SAP130: variants seen among roughly 807,000 people sequenced by gnomAD.
The protein encoded by SAP130 is Sin3A associated protein 130.
Under a neutral mutation model 103.2 loss-of-function variants are expected in SAP130, and 16 were observed. The observed-to-expected ratio is 0.16, with a 90% CI of 0.10 to 0.24. The LOEUF (loss-of-function observed/expected upper bound fraction) is 0.24, where lower values mean the gene tolerates loss of function less well. Among genes scored for constraint, SAP130 ranks in the 10% least tolerant of loss-of-function variants. The pLI is 1.00. For missense variants in SAP130, 990 were observed against 1,359.7 expected (o/e 0.73, Z 4.28); for synonymous variants, 477 against 497.0 (o/e 0.96, Z 0.53).
intron 16 of SAP130, among the ~76,000 whole-genome samples, chr2:127,952,859 G>C (rs964803029): frequency 6.6e-6 from 1 of 152,022 alleles, no homozygotes; most frequent in African/African-American, 2.4e-5. Flanking sequence ...TCTCATGATA[G>C]CACAACACCA....
At chr2:127,963,455 C>T (rs1013897177) in intron 15 of SAP130, among the ~76,000 whole-genome samples, 2 of 152,168 alleles carry the variant, frequency 1.3e-5, no homozygotes, top group African/African-American at 4.8e-5. Context: ...GTCTCGAACT[C>T]CTGGGTTAGA....
In SAP130 at chr2:127,949,969, T is replaced by C. The variant is rs149654927; in HGVS notation, c.2697A>G (p.Pro899=). ...AAGTAATGGGGGGTCTTGGACGCAC[T>C]GGGACATATCTCACACCTTCCTCAT... ...YIDEEGVRYV[P]VRPRPPITLL... The change falls in exon 18 of 21, where the codon CCA becomes CCG. Residue 899 remains proline (P), a synonymous_variant. Transcript: ENST00000643581. 806 of 1,614,190 alleles carry C rather than the reference T, an allele frequency of 5.0e-4. 6 individuals carry two copies. In the South Asian group the frequency reaches 6.5e-3, roughly 13 times the overall value.
At chr2:128,027,803 G>A in intron 1 of SAP130, 137 bp downstream of exon 1, 1 of 532,216 alleles carries the variant, frequency 1.9e-6, no homozygotes, top group South Asian at 8.0e-5. Flanking sequence ...CGAAAGAGCC[G>A]CGGTCCGAGC....
At chr2:128,004,414 C>T (rs1457303380) in intron 7 of SAP130, among the ~76,000 whole-genome samples, 2 of 123,448 alleles carry the variant, frequency 1.6e-5, no homozygotes, top group Non-Finnish European at 3.2e-5. Flanking sequence ...CACTATGTTG[C>T]TCAGGCTGGT....
intron 7 of SAP130, among the ~76,000 whole-genome samples, chr2:128,004,361 C>CT (rs71935874): frequency 0.17 from 12,885 of 76,006 alleles, 1,354 homozygotes; most frequent in South Asian, 0.25. Flanking sequence ...GCTTTCTTTC[C>CT]TTTTTTTTTT....
rs1678694076 is a variant in SAP130, at chr2:127,941,358, T to TAC, written c.*647_*648insGT. 1 of 152,168 alleles carries TAC rather than the reference T, an allele frequency of 6.6e-6. No homozygotes were observed. The highest frequency in any genetic ancestry group is 2.1e-4 in the South Asian group (1 of 4,830). 9.4% of individuals were successfully genotyped at this position (152,168 alleles called of 1,614,324 possible). On this transcript the variant is annotated 3_prime_UTR_variant, in exon 21 of 21. Coordinates refer to ENST00000643581, the MANE Select transcript of SAP130 (RefSeq NM_001330301.2). ...AAGGATCTGAGAGCAACTTATGGTG[T>TAC]TGCCTGCTCTGAACCTCCACAAAAA...
Position 127,996,452 on chromosome 2 carries a change from CGAG to C in SAP130, c.1250_1252del (p.Pro417del), listed in dbSNP as rs775408877. 1.4e-5 allele frequency: 22 copies of C among 1,601,612 alleles called. No homozygotes were observed. Among genetic ancestry groups the C allele is most frequent in the Non-Finnish European group, 1.9e-5 (22 of 1,173,910 alleles). On this transcript the variant is annotated inframe_deletion, in exon 11 of 21. Transcript: ENST00000643581. This position sits in a 1 kb window ranked among gnomAD's most constrained non-coding sequence, Gnocchi z 4.3. ...CTCGGCAGGGTAGTCTGGCTGGATCCGAGGAGAAGTGTGCGTGATCTGCTGGGG... is the reference window on the plus strand; with the variant it reads ...CTCGGCAGGGTAGTCTGGCTGGATCCGAGAAGTGTGCGTGATCTGCTGGGG...
At chr2:128,003,665 C>T (rs371244874) in intron 7 of SAP130, among the ~76,000 whole-genome samples, 2 of 151,918 alleles carry the variant, frequency 1.3e-5, no homozygotes, top group Admixed American at 6.6e-5. Context: ...CTCACCCACA[C>T]GTACCAAAAA....
intron 12 of SAP130, among the ~76,000 whole-genome samples, chr2:127,992,399 T>A (rs1489284728): frequency 6.6e-6 from 1 of 151,998 alleles, no homozygotes; most frequent in African/African-American, 2.4e-5. Context: ...TCCTGCTTTA[T>A]CCTCCCAAGT....
intron 14 of SAP130, among the ~76,000 whole-genome samples, chr2:127,983,825 T>TG (rs1212335644): frequency 1.4e-3 from 162 of 115,852 alleles, no homozygotes; most frequent in African/African-American, 5.2e-3. Context: ...ACTTTGTTGT[T>TG]TTTTTTTTTT....
At chr2:127,982,603 ACTTTGATGGGCTG>A (rs1237220105) in intron 14 of SAP130, among the ~76,000 whole-genome samples, 1 of 152,232 alleles carries the variant, frequency 6.6e-6, no homozygotes, top group East Asian at 1.9e-4. Context: ...AAGAGAGTAT[ACTTTGATGGGCTG>A]CTTTAAGACC....
At chr2:128,027,029 G>A in intron 1 of SAP130, 1 of 1,332,248 alleles carries the variant, frequency 7.5e-7, no homozygotes, top group Non-Finnish European at 9.9e-7. Flanking sequence ...CCCGTCTCCG[G>A]GGTGGGGGTG....
At chr2:127,985,906 A>G (rs529676957) in intron 14 of SAP130, among the ~76,000 whole-genome samples, 1 of 152,080 alleles carries the variant, frequency 6.6e-6, no homozygotes, top group East Asian at 2.0e-4. Context: ...CAAGGGGAGC[A>G]TGCCGGTGGA....
chr2:128,000,762 G>A (rs1037906620), intron 7 of SAP130, among the ~76,000 whole-genome samples: 8 of 152,032 alleles, frequency 5.3e-5, no homozygotes, highest in Non-Finnish European at 7.3e-5. Flanking sequence ...GGTCAGGTGC[G>A]GTGGCTCACA....
At chr2:127,985,936 G>A (rs1682351644) in intron 14 of SAP130, among the ~76,000 whole-genome samples, 1 of 152,124 alleles carries the variant, frequency 6.6e-6, no homozygotes, top group South Asian at 2.1e-4. Context: ...GACAGACGCT[G>A]GCATGCCAGC....
chr2:127,984,302 T>A (rs1682209776), intron 14 of SAP130, among the ~76,000 whole-genome samples: 1 of 152,238 alleles, frequency 6.6e-6, no homozygotes, highest in Non-Finnish European at 1.5e-5. Context: ...ACTGTTTGCT[T>A]ATCCTTGCTC....
chr2:127,947,753 ATT>A (rs1491173270), intron 18 of SAP130, among the ~76,000 whole-genome samples: 2 of 39,258 alleles, frequency 5.1e-5, no homozygotes, highest in South Asian at 1.3e-3. Context: ...TTAATTTTGT[ATT>A]GTGTGTGTCT....
chr2:128,022,815 C>T (rs1365070969), intron 2 of SAP130, among the ~76,000 whole-genome samples: 1 of 151,934 alleles, frequency 6.6e-6, no homozygotes, highest in Non-Finnish European at 1.5e-5. Flanking sequence ...CTTTTTACTA[C>T]TGAGTTATAA....
intron 5 of SAP130, among the ~76,000 whole-genome samples, chr2:128,014,385 A>T (rs1350260235): frequency 6.7e-6 from 1 of 148,876 alleles, no homozygotes; most frequent in Non-Finnish European, 1.5e-5. Flanking sequence ...CCTGAGTGCC[A>T]TCCTCCTATC....
Sources: allele counts gnomAD v4.1 joint callset (sites outside exome capture counted in the v4.1 genomes callset), GRCh38; gene constraint gnomAD v4.1.1; non-coding constraint Gnocchi (gnomAD v3.1); transcripts MANE v1.5; gene names NCBI Gene and HGNC (gene_info 2026-07-23, HGNC 2026-07-21).